Variants in NINL observed in about 807,000 individuals in gnomAD.
NINL encodes ninein like.
In NINL, 153 loss-of-function variants were observed where a neutral mutation model predicts 160.3. The ratio of observed to expected loss-of-function variants is 0.95; its 90% CI spans 0.84 to 1.09. NINL has a LOEUF of 1.09. Ranked by LOEUF, NINL falls within the 50% of genes least tolerant of loss-of-function variation. The pLI is 0.00. For missense variants in NINL, 1,829 were observed against 1,764.0 expected, an observed-to-expected ratio of 1.04 and a Z score of -0.66; for synonymous variants, 800 against 734.8, an observed-to-expected ratio of 1.09 and a Z score of -1.43.
chr20:25,497,937 A>T (rs2063791240), intron 9 of NINL, among the ~76,000 whole-genome samples: 1 of 152,100 alleles, frequency 6.6e-6, no homozygotes, highest in African/African-American at 2.4e-5. Context: ...CTCAGACGGC[A>T]CAGGTCCTCA....
intron 1 of NINL, among the ~76,000 whole-genome samples, chr20:25,558,843 C>T (rs552591028): frequency 7.2e-5 from 11 of 152,310 alleles, no homozygotes; most frequent in Non-Finnish European, 7.3e-5. Context: ...CAGTAAAAAG[C>T]GGAGACGGCC....
At chr20:25,502,264 G>T (rs150823868) in intron 7 of NINL, among the ~76,000 whole-genome samples, 1 of 152,132 alleles carries the variant, frequency 6.6e-6, no homozygotes, top group Non-Finnish European at 1.5e-5. Flanking sequence ...TTACAGACGT[G>T]AGCCACCATG....
chr20:25,504,909 C>G lies in NINL; in HGVS notation c.687G>C (p.Gly229=). 1 of 1,611,622 alleles carries G rather than the reference C, an allele frequency of 6.2e-7. No homozygotes were observed. Among genetic ancestry groups the G allele is most frequent in the Non-Finnish European group, 8.5e-7 (1 of 1,179,928 alleles). ...QELAVVCQSV[G]LQGLEKEELE... is the part of the protein sequence containing the mutation. The stretch of plus-strand genomic sequence containing the variant: ...TCACCTCTTTCTCGAGTCCCTGGAG[C>G]CCGACGCTCTGGCAGACCACAGCCA... Residue 229 remains glycine, a synonymous_variant, in exon 6 of 24, where the codon GGG becomes GGC. Transcript: ENST00000278886.
At chr20:25,518,844 T>G (rs1245679934) in intron 2 of NINL, among the ~76,000 whole-genome samples, 3 of 152,010 alleles carry the variant, frequency 2.0e-5, no homozygotes, top group African/African-American at 7.2e-5. Context: ...ATGCCTGTAA[T>G]CCCAGCACTT....
At chr20:25,500,655 C>T (rs2063848738) in intron 8 of NINL, among the ~76,000 whole-genome samples, 185 bp downstream of exon 8, 2 of 152,202 alleles carry the variant, frequency 1.3e-5, no homozygotes, top group African/African-American at 4.8e-5. Flanking sequence ...ATTATAATGT[C>T]CTATATTTTA....
Position 25,480,234 on chromosome 20 carries a change from C to G in NINL, c.1844G>C (p.Ser615Thr). 1.2e-6 allele frequency: 2 copies of G among 1,614,040 alleles called. No individual in the cohort carries two copies. Among genetic ancestry groups the G allele is most frequent in the Non-Finnish European group, 1.7e-6 (2 of 1,180,004 alleles). Residue 615 changes from serine (S) to threonine (T), a missense_variant, in exon 15 of 24, where the codon AGT becomes ACT. Transcript: ENST00000278886. ...CTCCATCATCAGCTCCGTTTCTATA[C>G]TCACTGGAGCAGAATTACCCAGGAA... is the stretch of plus-strand genomic sequence containing the variant. ...ISFLGNSAPV[S>T]IETELMMEQV...
intron 1 of NINL, among the ~76,000 whole-genome samples, chr20:25,560,632 C>A (rs144745987): frequency 6.6e-6 from 1 of 152,204 alleles, no homozygotes; most frequent in African/African-American, 2.4e-5. Context: ...TCTTTTTCTC[C>A]AGGAATCTAT....
intron 1 of NINL, among the ~76,000 whole-genome samples, chr20:25,547,687 T>A (rs1307053017): frequency 6.6e-6 from 1 of 152,180 alleles, no homozygotes; most frequent in Admixed American, 6.5e-5. Context: ...CCATTTTACT[T>A]TTCACTTGAT....
chr20:25,517,885 T>C (rs772330361), intron 2 of NINL, 36 bp from the exon 3 acceptor site: 1 of 1,345,272 alleles, frequency 7.4e-7, no homozygotes, highest in South Asian at 1.3e-5. Flanking sequence ...ACAATGTCAC[T>C]TTCAACAGAT....
chr20:25,491,453 G>A lies in NINL; in HGVS notation c.1383C>T (p.Phe461=), dbSNP rs2146690834. Residue 461 remains phenylalanine, a synonymous_variant, in exon 11 of 24, where the codon TTC becomes TTT. Transcript: ENST00000278886. ...RSEVEAEREL[F]WEQAHRQRAA... ...CCCTCTGCCTGTGGGCCTGCTCCCAGAACAGCTCTCGCTCCGCCTCCACCT... is the reference window on the plus strand; with the variant it reads ...CCCTCTGCCTGTGGGCCTGCTCCCAAAACAGCTCTCGCTCCGCCTCCACCT... 1 of 1,614,014 alleles carries A rather than the reference G, an allele frequency of 6.2e-7. No individual in the cohort carries two copies. Among genetic ancestry groups the A allele is most frequent in the East Asian group, 2.2e-5 (1 of 44,860 alleles).
chr20:25,538,845 GCACAGGGCTGGGGAA>G (rs1225318860), intron 1 of NINL, among the ~76,000 whole-genome samples: 3 of 152,236 alleles, frequency 2.0e-5, no homozygotes, highest in Non-Finnish European at 2.9e-5. Context: ...AGGCCGGGGA[GCACAGGGCTGGGGAA>G]CACAGGGTCA....
intron 1 of NINL, among the ~76,000 whole-genome samples, chr20:25,540,376 CGTT>C (rs1473277458): frequency 1.3e-5 from 2 of 152,196 alleles, no homozygotes; most frequent in Non-Finnish European, 2.9e-5. Flanking sequence ...AGACATATGA[CGTT>C]GTCATCGCTC....
At chr20:25,549,987 T>C (rs2064786948) in intron 1 of NINL, among the ~76,000 whole-genome samples, 1 of 152,332 alleles carries the variant, frequency 6.6e-6, no homozygotes, top group Admixed American at 6.5e-5. Flanking sequence ...AATTCAACAC[T>C]GAGAGGACAG....
Position 25,476,158 on chromosome 20 carries a change from C to T in NINL, c.3133G>A (p.Gly1045Arg), listed in dbSNP as rs569684279. ...CTCTCCAGCGCTATTTTGGTCTCCCCCTCTTCTGGGGCAGCAAGCTGCTCC... is the reference window on the plus strand; with the variant it reads ...CTCTCCAGCGCTATTTTGGTCTCCCTCTCTTCTGGGGCAGCAAGCTGCTCC... ...WQEQLAAPEEGETKIALEREK... is the reference protein window; with the variant it reads ...WQEQLAAPEERETKIALEREK... Residue 1045 changes from glycine to arginine, a missense_variant, in exon 17 of 24, where the codon GGG becomes AGG. By Grantham distance (125) the Gly-to-Arg change is moderately radical. Transcript: ENST00000278886. 2.5e-6 allele frequency: 4 copies of T among 1,614,198 alleles called. No individual in the cohort carries two copies. Among genetic ancestry groups the T allele is most frequent in the Non-Finnish European group, 2.5e-6 (3 of 1,180,040 alleles).
chr20:25,564,372 C>T (rs966320026), intron 1 of NINL, among the ~76,000 whole-genome samples: 2 of 152,132 alleles, frequency 1.3e-5, no homozygotes, highest in African/African-American at 2.4e-5. Context: ...GGCTGGAATG[C>T]AATGGCACAA....
At chr20:25,531,363 T>C (rs2064458945) in intron 1 of NINL, among the ~76,000 whole-genome samples, 1 of 152,118 alleles carries the variant, frequency 6.6e-6, no homozygotes. Context: ...CCTCCTCAGC[T>C]TACGAAAATG....
At chr20:25,539,631 C>T (rs540281391) in intron 1 of NINL, among the ~76,000 whole-genome samples, 2 of 152,306 alleles carry the variant, frequency 1.3e-5, no homozygotes, top group Non-Finnish European at 2.9e-5. Context: ...AACCCTATTT[C>T]CAGAGGCGCC....
chr20:25,539,248 A>T (rs992741276), intron 1 of NINL, among the ~76,000 whole-genome samples: 4 of 152,346 alleles, frequency 2.6e-5, no homozygotes, highest in Admixed American at 2.6e-4. Context: ...GTCACATGCC[A>T]GGGTTCACAG....
At chr20:25,510,109 C>T (rs1378020479) in intron 5 of NINL, among the ~76,000 whole-genome samples, 2 of 152,254 alleles carry the variant, frequency 1.3e-5, no homozygotes, top group Non-Finnish European at 2.9e-5. Context: ...CGCTGCACAG[C>T]GCTGTGAGGC....
Sources: gnomAD v4.1 joint callset for allele counts (sites outside exome capture counted in the v4.1 genomes callset) on GRCh38, gnomAD v4.1.1 for gene constraint, MANE v1.5 for transcripts, NCBI Gene and HGNC (gene_info 2026-07-23, HGNC 2026-07-21) for gene names.